The following FAM107B variants were observed in gnomAD, a reference collection of about 807,000 sequenced individuals.
FAM107B encodes the protein family with sequence similarity 107 member B.
In FAM107B, 21 loss-of-function variants were observed where a neutral mutation model predicts 31.5. The observed-to-expected ratio is 0.67, with a 90% CI of 0.47 to 0.96. The LOEUF (loss-of-function observed/expected upper bound fraction) is 0.96. Among genes scored for constraint, FAM107B ranks in the 40% least tolerant of loss-of-function variants. FAM107B has a pLI of 0.00. For synonymous variants in FAM107B, 157 were observed against 141.5 expected, an observed-to-expected ratio of 1.11 and a Z score of -0.78; for missense variants, 452 against 377.1, an observed-to-expected ratio of 1.20 and a Z score of -1.64.
chr10:14,556,820 G>A (rs1175849819), intron 2 of FAM107B, among the ~76,000 whole-genome samples: 1 of 152,218 alleles, frequency 6.6e-6, no homozygotes. Context: ...GATTGTCAGG[G>A]CCTCTCAATA....
chr10:14,525,613 C>G (rs1846146832), intron 3 of FAM107B, among the ~76,000 whole-genome samples: 1 of 152,154 alleles, frequency 6.6e-6, no homozygotes, highest in South Asian at 2.1e-4. Context: ...ACAGTTGGGT[C>G]TATGTTCCTC....
intron 1 of FAM107B, among the ~76,000 whole-genome samples, chr10:14,731,259 G>T (rs1331729842): frequency 1.3e-5 from 2 of 152,068 alleles, no homozygotes; most frequent in Non-Finnish European, 2.9e-5. Flanking sequence ...TGAGGGCGCG[G>T]GATTAAATCA....
At chr10:14,770,559 C>T (rs1167506047) in intron 1 of FAM107B, among the ~76,000 whole-genome samples, 1 of 152,022 alleles carries the variant, frequency 6.6e-6, no homozygotes, top group Non-Finnish European at 1.5e-5. Context: ...AAATAAACAG[C>T]AGTACTGCTG....
intron 2 of FAM107B, among the ~76,000 whole-genome samples, chr10:14,535,603 T>TC (rs1444182825): frequency 6.6e-6 from 1 of 152,154 alleles, no homozygotes; most frequent in African/African-American, 2.4e-5. Context: ...AAAAGGTCTG[T>TC]CTATCACACT....
chr10:14,634,239 A>T (rs1018528725), intron 2 of FAM107B, among the ~76,000 whole-genome samples: 1 of 150,798 alleles, frequency 6.6e-6, no homozygotes, highest in Admixed American at 6.6e-5. Context: ...TACTAAAATT[A>T]CAAAAAAAAA....
chr10:14,647,094 C>T (rs532294847), intron 2 of FAM107B, among the ~76,000 whole-genome samples: 1 of 152,138 alleles, frequency 6.6e-6, no homozygotes, highest in East Asian at 1.9e-4. Flanking sequence ...GTGCCCGGCT[C>T]CATTTTCTCC....
chr10:14,585,937 T>C (rs1273064358), intron 2 of FAM107B, among the ~76,000 whole-genome samples: 2 of 152,114 alleles, frequency 1.3e-5, no homozygotes, highest in African/African-American at 2.4e-5. Flanking sequence ...AAACAGGAAA[T>C]GCACTCTCCC....
intron 1 of FAM107B, among the ~76,000 whole-genome samples, chr10:14,700,203 G>T (rs1855361888): frequency 6.6e-6 from 1 of 152,140 alleles, no homozygotes; most frequent in South Asian, 2.1e-4. Context: ...AAAGTGCTAG[G>T]ATTACAGGTG....
chr10:14,680,573 C>A (rs375959253), intron 1 of FAM107B, among the ~76,000 whole-genome samples: 133 of 133,952 alleles, frequency 9.9e-4, no homozygotes, highest in Admixed American at 9.8e-4. Context: ...GACTCTGTCT[C>A]AAAAAAAAAA....
intron 2 of FAM107B, among the ~76,000 whole-genome samples, chr10:14,631,623 T>A (rs1050343712): frequency 6.6e-6 from 1 of 152,168 alleles, no homozygotes; most frequent in Non-Finnish European, 1.5e-5. Context: ...CAAGGAGACT[T>A]CCAGGGGAAA....
intron 2 of FAM107B, among the ~76,000 whole-genome samples, chr10:14,610,698 C>G (rs914407805): frequency 6.6e-6 from 1 of 152,186 alleles, no homozygotes; most frequent in Admixed American, 6.5e-5. Flanking sequence ...TGTGCATGAG[C>G]ATTTGTGATC....
chr10:14,703,626 C>G lies in FAM107B; in HGVS notation c.412-35935G>C, dbSNP rs1015164623. Among the ~76,000 whole-genome samples the G allele has an allele frequency of 7.2e-5, 11 of 152,176 alleles. 1 individual carries two copies. The highest frequency in any genetic ancestry group is 1.3e-4 in the Admixed American group (2 of 15,272). ...CTAGGATTACAGGCGTGAGCCACTGCGCCCAGCCCAGGTCTTCTTAAGTTT... is the reference window on the plus strand; with the variant it reads ...CTAGGATTACAGGCGTGAGCCACTGGGCCCAGCCCAGGTCTTCTTAAGTTT... On this transcript the variant is annotated intron_variant, in intron 1 of 4. Transcript: ENST00000181796.
At chr10:14,556,308 A>G (rs991896026) in intron 2 of FAM107B, 1 of 955,942 alleles carries the variant, frequency 1.0e-6, no homozygotes, top group East Asian at 1.2e-4. Flanking sequence ...TACAATTGAT[A>G]AAGTCATCAA....
At chr10:14,582,757 C>T (rs1356946717) in intron 2 of FAM107B, among the ~76,000 whole-genome samples, 1 of 152,054 alleles carries the variant, frequency 6.6e-6, no homozygotes, top group East Asian at 1.9e-4. Flanking sequence ...TACTGTATAA[C>T]TCTATGAAGG....
At chr10:14,625,610 G>C (rs981119163) in intron 2 of FAM107B, among the ~76,000 whole-genome samples, 1 of 152,136 alleles carries the variant, frequency 6.6e-6, no homozygotes, top group Non-Finnish European at 1.5e-5. Context: ...GCGTGCAAGA[G>C]AAACAGGCAG....
chr10:14,607,244 CAAAT>C (rs1207106663), intron 2 of FAM107B, among the ~76,000 whole-genome samples: 1 of 152,104 alleles, frequency 6.6e-6, no homozygotes, highest in Non-Finnish European at 1.5e-5. Context: ...AAACCAAAAA[CAAAT>C]AAGAGCAAAT....
At chr10:14,631,276 T>G (rs1382997784) in intron 2 of FAM107B, among the ~76,000 whole-genome samples, 1 of 152,176 alleles carries the variant, frequency 6.6e-6, no homozygotes, top group Non-Finnish European at 1.5e-5. Flanking sequence ...TCCTCCAGGA[T>G]TTCTTTCATG....
chr10:14,732,143 C>T (rs1856188648), intron 1 of FAM107B, among the ~76,000 whole-genome samples: 7 of 152,150 alleles, frequency 4.6e-5, no homozygotes, highest in Admixed American at 4.6e-4. Flanking sequence ...CTAACTCAAA[C>T]TACTCTCTAT....
At chr10:14,621,887 C>A (rs938878238) in intron 2 of FAM107B, among the ~76,000 whole-genome samples, 3 of 152,150 alleles carry the variant, frequency 2.0e-5, no homozygotes, top group African/African-American at 7.2e-5. Flanking sequence ...TACAGAAGTA[C>A]CTTGCAGTTA....
Sources: allele counts gnomAD v4.1 joint callset (sites outside exome capture counted in the v4.1 genomes callset), GRCh38; gene constraint gnomAD v4.1.1; transcripts MANE v1.5; gene names NCBI Gene and HGNC (gene_info 2026-07-23, HGNC 2026-07-21).